The following ZNF175 variants were observed in gnomAD, a reference collection of about 807,000 sequenced individuals.
ZNF175 encodes zinc finger protein OTK18.
In ZNF175, 8 loss-of-function variants were observed where a neutral mutation model predicts 14.0. The ratio of observed to expected loss-of-function variants is 0.57; its 90% confidence interval spans 0.34 to 1.03. ZNF175 has a LOEUF of 1.03. Ranked by LOEUF, ZNF175 falls within the 50% of genes least tolerant of loss-of-function variation. The pLI is 0.03. For synonymous variants in ZNF175, 255 were observed against 296.8 expected (o/e 0.86, Z 1.45); for missense variants, 764 against 849.5 (o/e 0.90, Z 1.25).
At chr19:51,572,629 A>G (rs1032494803) in intron 1 of ZNF175, among the ~76,000 whole-genome samples, 1 of 152,196 alleles carries the variant, frequency 6.6e-6, no homozygotes, top group African/African-American at 2.4e-5. Flanking sequence ...TAGTGGAGAC[A>G]GTGTACAGTT....
chr19:51,584,095 A>G (rs962944975), intron 4 of ZNF175, among the ~76,000 whole-genome samples: 2 of 152,246 alleles, frequency 1.3e-5, no homozygotes, highest in Non-Finnish European at 2.9e-5. Flanking sequence ...GGAGAGGACA[A>G]TGGCATTAAA....
At chr19:51,577,817 C>A (rs1254683884) in intron 2 of ZNF175, among the ~76,000 whole-genome samples, 1 of 151,892 alleles carries the variant, frequency 6.6e-6, no homozygotes, top group East Asian at 2.0e-4. Context: ...GCGCCCGCCA[C>A]CACACCAAGC....
chr19:51,576,305 A>C (rs1006007518), intron 2 of ZNF175, among the ~76,000 whole-genome samples: 2 of 151,886 alleles, frequency 1.3e-5, no homozygotes, highest in Non-Finnish European at 2.9e-5. Context: ...ACTTGCCACC[A>C]CGCCTGGCTA....
In ZNF175 at chr19:51,589,997, A is replaced by C. The variant is rs910686254; in HGVS notation, c.*1530A>C. On this transcript the variant is annotated 3_prime_UTR_variant, in exon 5 of 5. Transcript: ENST00000262259. ...TACGTGTGTGGATGGTATTTTTTTC[A>C]TTCTACAATCCATGATGGATTGTAC... The C allele has an allele frequency of 5.3e-6, 1 of 189,208 alleles. No individual in the cohort carries two copies. The highest frequency in any genetic ancestry group is 2.3e-5 in the African/African-American group (1 of 42,556). The allele number at this position is 189,208 out of a possible 1,614,324, so 11.7% of individuals were successfully genotyped here. A position where few individuals can be genotyped will look rare whatever the true frequency, so the allele number is the denominator to read the frequency against.
In ZNF175 at chr19:51,586,903, C is replaced by T. The variant is rs756443257; in HGVS notation, c.572C>T (p.Ser191Leu). The T allele has an allele frequency of 2.1e-5, 34 of 1,614,062 alleles. No homozygotes were observed. Among genetic ancestry groups the T allele is most frequent in the Non-Finnish European group, 2.9e-5 (34 of 1,180,030 alleles). ...MIRTRPHLAS[S>L]QKQPQKCCLF... ...CGCACGAGGCCCCACCTTGCTTCTTCACAGAAACAACCTCAGAAATGTTGC... is the reference window on the plus strand; with the variant it reads ...CGCACGAGGCCCCACCTTGCTTCTTTACAGAAACAACCTCAGAAATGTTGC... The change falls in exon 5 of 5, where the codon TCA becomes TTA. Residue 191 changes from serine (S) to leucine (L), a missense_variant. Coordinates refer to ENST00000262259, the MANE Select transcript of ZNF175 (RefSeq NM_007147.4).
In ZNF175 at chr19:51,588,224, T is replaced by A. The variant is rs1421056462; in HGVS notation, c.1893T>A (p.Ile631=). 6.2e-7 allele frequency: 1 copy of A among 1,614,034 alleles called. No homozygotes were observed. The highest frequency in any genetic ancestry group is 2.2e-5 in the East Asian group (1 of 44,870). The change falls in exon 5 of 5, where the codon ATT becomes ATA. Residue 631 remains isoleucine, a synonymous_variant. Transcript: ENST00000262259. ...GKAFVQKSEL[I]THQRTHMGEK... is the part of the protein sequence containing the mutation. ...CTTTTGTCCAGAAATCAGAGTTGAT[T>A]ACCCATCAAAGAACTCACATGGGAG...
intron 2 of ZNF175, among the ~76,000 whole-genome samples, chr19:51,579,168 G>A (rs1313118678): frequency 6.7e-6 from 1 of 149,160 alleles, no homozygotes; most frequent in Admixed American, 6.8e-5. Flanking sequence ...CAGGAGAATC[G>A]CTTGAACCCA....
At position 51,587,233 on chromosome 19, in the gene ZNF175, A is replaced by C; in HGVS notation, c.902A>C (p.His301Pro). Residue 301 changes from histidine to proline, a missense_variant, in exon 5 of 5, where the codon CAT (histidine) becomes CCT (proline). By Grantham distance (77) the His-to-Pro change is moderately conservative (BLOSUM62 -2). Transcript: ENST00000262259. ...CACCTCTTTGCCCAACAGAGAATTCATAGTGTAGGAAACCTCCATGAATGT... is the reference window on the plus strand; with the variant it reads ...CACCTCTTTGCCCAACAGAGAATTCCTAGTGTAGGAAACCTCCATGAATGT... ...KSHLFAQQRIHSVGNLHECGK... is the reference protein window; with the variant it reads ...KSHLFAQQRIPSVGNLHECGK... 1 of 1,614,236 alleles carries C rather than the reference A, an allele frequency of 6.2e-7. No homozygotes were observed. The highest frequency in any genetic ancestry group is 8.5e-7 in the Non-Finnish European group (1 of 1,180,026).
At chr19:51,576,560 T>C (rs1981795431) in intron 2 of ZNF175, among the ~76,000 whole-genome samples, 1 of 152,152 alleles carries the variant, frequency 6.6e-6, no homozygotes, top group South Asian at 2.1e-4. Flanking sequence ...CAAGTTTACA[T>C]AGTCAGCAAG....
At chr19:51,584,320 G>A (rs908378848) in intron 4 of ZNF175, among the ~76,000 whole-genome samples, 5 of 152,180 alleles carry the variant, frequency 3.3e-5, no homozygotes, top group Admixed American at 1.3e-4. Context: ...AAACAAAGAA[G>A]CAGATGAAGC....
chr19:51,574,597 C>T (rs74878363), intron 2 of ZNF175, among the ~76,000 whole-genome samples: 1 of 152,112 alleles, frequency 6.6e-6, no homozygotes, highest in East Asian at 1.9e-4. Flanking sequence ...GAGCTTGAGG[C>T]GGTCAAGGTT....
chr19:51,579,064 C>T (rs1415739187), intron 2 of ZNF175, among the ~76,000 whole-genome samples: 1 of 152,034 alleles, frequency 6.6e-6, no homozygotes, highest in Non-Finnish European at 1.5e-5. Flanking sequence ...ACCAGCCTGG[C>T]CAACATAATG....
chr19:51,581,180 A>T (rs1981985617), intron 2 of ZNF175, among the ~76,000 whole-genome samples: 1 of 152,174 alleles, frequency 6.6e-6, no homozygotes, highest in Non-Finnish European at 1.5e-5. Flanking sequence ...TTTGAAAAAA[A>T]AAAATGAATG....
At chr19:51,585,483 GA>G (rs543515309) in intron 4 of ZNF175, among the ~76,000 whole-genome samples, 94 of 117,342 alleles carry the variant, frequency 8.0e-4, no homozygotes, top group African/African-American at 2.5e-3. Context: ...GCTACAATAA[GA>G]AAAAGTTAAC....
At chr19:51,576,140 G>GT (rs1317986267) in intron 2 of ZNF175, among the ~76,000 whole-genome samples, 1,843 of 135,194 alleles carry the variant, frequency 0.014, 111 homozygotes, top group Admixed American at 0.11. Context: ...TTCAGGGACA[G>GT]TTTTTTTTTT....
chr19:51,578,234 T>TAAAAAAATACAAAA (rs1981874701), intron 2 of ZNF175, among the ~76,000 whole-genome samples: 1 of 149,906 alleles, frequency 6.7e-6, no homozygotes, highest in Non-Finnish European at 1.5e-5. Flanking sequence ...CCATCTCTAC[T>TAAAAAAATACAAAA]AAAAAAATAC....
chr19:51,577,663 CTT>C (rs35533410), intron 2 of ZNF175, among the ~76,000 whole-genome samples: 13 of 127,226 alleles, frequency 1.0e-4, no homozygotes, highest in African/African-American at 1.2e-4. Flanking sequence ...CTTTCTCTCT[CTT>C]TTTTTTTTTT....
chr19:51,579,370 A>G (rs892607954), intron 2 of ZNF175, among the ~76,000 whole-genome samples: 31 of 152,054 alleles, frequency 2.0e-4, no homozygotes, highest in Middle Eastern at 3.4e-3. Flanking sequence ...GCAGTGAGCC[A>G]TGCTCGTGCC....
At chr19:51,586,455 G>A (rs533926381) in intron 4 of ZNF175, among the ~76,000 whole-genome samples, 172 bp from the exon 5 acceptor site, 12 of 152,330 alleles carry the variant, frequency 7.9e-5, no homozygotes, top group Non-Finnish European at 1.8e-4. Flanking sequence ...GTGCTATGTA[G>A]ATAAATGCTC....
Sources: allele counts gnomAD v4.1 joint callset (sites outside exome capture counted in the v4.1 genomes callset), GRCh38; gene constraint gnomAD v4.1.1; transcripts MANE v1.5; gene names NCBI Gene and HGNC (gene_info 2026-07-23, HGNC 2026-07-21).